The following TACC2 variants were observed in gnomAD, a reference collection of about 807,000 sequenced individuals.
TACC2 encodes transforming acidic coiled-coil containing protein 2.
TACC2 carries 137 observed loss-of-function variants against 227.3 expected under a neutral mutation model. That is an observed-to-expected ratio of 0.60 (90% CI 0.52 to 0.69). The LOEUF is 0.69. Among genes scored for constraint, TACC2 ranks in the 30% least tolerant of loss-of-function variants. The pLI, the probability that TACC2 is intolerant of heterozygous loss-of-function variation, is 0.00. For synonymous variants in TACC2, 1,523 were observed against 1,487.5 expected, an observed-to-expected ratio of 1.02 and a Z score of -0.55; for missense variants, 3,470 against 3,694.4, an observed-to-expected ratio of 0.94 and a Z score of 1.57.
At chr10:122,120,450 A>C (rs1334754384) in intron 5 of TACC2, among the ~76,000 whole-genome samples, 3 of 152,162 alleles carry the variant, frequency 2.0e-5, no homozygotes, top group African/African-American at 7.2e-5. Context: ...CCTGGTGGTT[A>C]GAGCCACCGC....
chr10:122,234,727 A>T (rs1221398827), intron 16 of TACC2, among the ~76,000 whole-genome samples: 3 of 151,970 alleles, frequency 2.0e-5, no homozygotes, highest in African/African-American at 7.3e-5. Flanking sequence ...TATTTTACTT[A>T]TTTTTTTTCA....
At position 122,153,152 on chromosome 10, in the gene TACC2, C is replaced by T. The variant is rs148141322; in HGVS notation, c.5834+9446C>T. 1.9e-3 allele frequency among the ~76,000 whole-genome samples: 284 copies of T among 152,084 alleles called. 1 individual carries two copies. The highest frequency in any genetic ancestry group is 5.8e-3 in the African/African-American group (241 of 41,494). ...ATGGGATTACAGGCATAGGTCACCA[C>T]GCCCGGCTAAGTTTTGTATTTTTAG... On this transcript the variant is annotated intron_variant, in intron 7 of 22. Coordinates refer to ENST00000369005, the MANE Select transcript of TACC2 (RefSeq NM_206862.4).
intron 1 of TACC2, among the ~76,000 whole-genome samples, chr10:122,005,175 G>A (rs10159567): frequency 0.15 from 22,675 of 150,654 alleles, 2,090 homozygotes; most frequent in Admixed American, 0.23. Context: ...TCTGCCTCCC[G>A]GGTTCAAGTG....
intron 7 of TACC2, among the ~76,000 whole-genome samples, chr10:122,192,253 C>T (rs1221937277): frequency 1.3e-5 from 2 of 152,206 alleles, no homozygotes; most frequent in Non-Finnish European, 2.9e-5. Flanking sequence ...CTGGCCCACC[C>T]CATGCTCTGC....
At position 122,195,090 on chromosome 10, in the gene TACC2, T is replaced by A. The variant is rs201603538; in HGVS notation, c.5885T>A (p.Val1962Asp). The change falls in exon 8 of 23, where the codon GTC becomes GAC. Residue 1962 changes from valine (V) to aspartate (D), a missense_variant. By Grantham distance (152) the Val-to-Asp change is radical (BLOSUM62 -3). Coordinates refer to ENST00000369005, the MANE Select transcript of TACC2 (RefSeq NM_206862.4). ...AFETPESTTP[V>D]KAPPAPPPPP... The stretch of plus-strand genomic sequence containing the variant: ...GAGACCCCGGAGTCAACGACCCCTG[T>A]CAAAGCTCCGCCAGCTCCACCCCCA... The A allele has an allele frequency of 6.2e-7, 1 of 1,613,816 alleles. No homozygotes were observed. The highest frequency in any genetic ancestry group is 1.3e-5 in the African/African-American group (1 of 75,018).
At chr10:122,235,845 C>T (rs545778978) in intron 16 of TACC2, among the ~76,000 whole-genome samples, 6 of 152,018 alleles carry the variant, frequency 3.9e-5, no homozygotes, top group South Asian at 2.1e-4. Context: ...CTCACATGAG[C>T]GAGTCTCTGG....
At chr10:121,994,757 G>A (rs1032449027) in intron 1 of TACC2, 5 of 152,330 alleles carry the variant, frequency 3.3e-5, no homozygotes, top group African/African-American at 1.2e-4. Context: ...GCAACCTGTG[G>A]CTTTAAACCG....
At position 122,210,741 on chromosome 10, in the gene TACC2, G is replaced by T. The variant is rs114995590; in HGVS notation, c.6316G>T (p.Val2106Leu). The change falls in exon 9 of 23, where the codon GTG (valine) becomes TTG (leucine). Residue 2106 changes from valine (V) to leucine (L), a missense_variant. Transcript: ENST00000369005. The surrounding 1 kb of genome is among the most constrained non-coding windows in gnomAD (Gnocchi z 4.6). Reference sequence around the variant, plus strand: ...TTCTTCCTCAGGCAATCCCGAGGCCGTGGCCCTTGCCCCAGATGCATATAG... The same window carrying T: ...TTCTTCCTCAGGCAATCCCGAGGCCTTGGCCCTTGCCCCAGATGCATATAG... ...GASSSGNPEA[V>L]ALAPDAYSTG... 6.2e-7 allele frequency: 1 copy of T among 1,613,964 alleles called. No individual in the cohort carries two copies. The highest frequency in any genetic ancestry group is 2.2e-5 in the East Asian group (1 of 44,866).
intron 1 of TACC2, among the ~76,000 whole-genome samples, chr10:122,020,533 A>G (rs1957205432): frequency 6.6e-6 from 1 of 152,186 alleles, no homozygotes; most frequent in Non-Finnish European, 1.5e-5. Context: ...TGGCTACGCA[A>G]TCAGTGTTGC....
At chr10:122,161,589 G>C (rs1322328) in intron 7 of TACC2, among the ~76,000 whole-genome samples, 83,438 of 152,222 alleles carry the variant, frequency 0.55, 24,558 homozygotes, top group African/African-American at 0.77. Flanking sequence ...ATTTGAACTC[G>C]AGTCTCATTT....
chr10:122,035,445 C>T (rs1178031227), intron 2 of TACC2, among the ~76,000 whole-genome samples: 1 of 152,110 alleles, frequency 6.6e-6, no homozygotes, highest in Non-Finnish European at 1.5e-5. Context: ...TATTGTTTAC[C>T]AGGCATTGCT....
intron 1 of TACC2, among the ~76,000 whole-genome samples, chr10:122,000,139 C>G (rs1159720526): frequency 6.6e-6 from 1 of 152,160 alleles, no homozygotes; most frequent in African/African-American, 2.4e-5. Context: ...CGCCTGTAAT[C>G]CCAGCACTTT....
intron 5 of TACC2, among the ~76,000 whole-genome samples, chr10:122,130,161 A>G (rs1416299076): frequency 1.3e-5 from 2 of 151,980 alleles, no homozygotes; most frequent in Non-Finnish European, 2.9e-5. Context: ...ATGCACAGCT[A>G]ATTTTTGTAT....
Position 122,132,651 on chromosome 10 carries a change from A to G in TACC2, c.5616A>G (p.Ala1872=), listed in dbSNP as rs1254753477. 1 of 1,614,038 alleles carries G rather than the reference A, an allele frequency of 6.2e-7. No homozygotes were observed. The change falls in exon 6 of 23, where the codon GCA becomes GCG. Residue 1872 remains alanine, a synonymous_variant. Coordinates refer to ENST00000369005, the MANE Select transcript of TACC2 (RefSeq NM_206862.4). ...ADDIIQPAAP[A]DLESPTLAAS... Reference sequence around the variant, plus strand: ...ATATCATCCAGCCCGCTGCCCCCGCAGACCTGGAAAGCCCAACCTTAGCTG... The same window carrying G: ...ATATCATCCAGCCCGCTGCCCCCGCGGACCTGGAAAGCCCAACCTTAGCTG...
chr10:122,031,512 C>G (rs1251276106), intron 2 of TACC2, among the ~76,000 whole-genome samples: 1 of 146,892 alleles, frequency 6.8e-6, no homozygotes, highest in Non-Finnish European at 1.5e-5. Flanking sequence ...TCATGCCATT[C>G]TCCTGCCTCA....
chr10:122,126,774 C>T (rs1282536937), intron 5 of TACC2: 1 of 152,024 alleles, frequency 6.6e-6, no homozygotes, highest in Non-Finnish European at 1.5e-5. Context: ...CTATTCTCCT[C>T]TCAGGACCTG....
intron 5 of TACC2, among the ~76,000 whole-genome samples, chr10:122,130,943 G>C (rs991524929): frequency 6.6e-6 from 1 of 152,102 alleles, no homozygotes. Context: ...AGAGTTCTCA[G>C]TTTGTGTTCT....
intron 3 of TACC2, among the ~76,000 whole-genome samples, chr10:122,054,936 T>C (rs1370821360): frequency 6.6e-6 from 1 of 151,876 alleles, no homozygotes; most frequent in Non-Finnish European, 1.5e-5. Flanking sequence ...TTAAGAAGGG[T>C]GGGCAGGGCA....
chr10:122,151,243 A>T (rs541738515), intron 7 of TACC2, among the ~76,000 whole-genome samples: 2 of 152,338 alleles, frequency 1.3e-5, no homozygotes, highest in South Asian at 4.1e-4. Flanking sequence ...AATAGAGCTG[A>T]GAACAAAAGA....
Sources: gnomAD v4.1 joint callset for allele counts (sites outside exome capture counted in the v4.1 genomes callset) on GRCh38, gnomAD v4.1.1 for gene constraint, Gnocchi (gnomAD v3.1) non-coding constraint, MANE v1.5 for transcripts, NCBI Gene and HGNC (gene_info 2026-07-23, HGNC 2026-07-21) for gene names.